The following CIBAR1 variants were observed in gnomAD, a reference collection of about 807,000 sequenced individuals.
CIBAR1 encodes CBY1-interacting BAR domain-containing protein 1.
A neutral mutation model predicts 44.0 loss-of-function variants in CIBAR1; 25 were observed. That is an observed-to-expected ratio of 0.57 (90% CI 0.41 to 0.79). CIBAR1 has a LOEUF of 0.79. CIBAR1 is among the 30% of genes least tolerant of loss of function. CIBAR1 has a pLI of 0.00. For synonymous variants in CIBAR1, 115 were observed against 119.0 expected (o/e 0.97, Z 0.22); for missense variants, 278 against 344.8 (o/e 0.81, Z 1.53).
At chr8:93,707,604 A>AT (rs75478715) in intron 4 of CIBAR1, among the ~76,000 whole-genome samples, 39,109 of 151,952 alleles carry the variant, frequency 0.26, 5,221 homozygotes, top group South Asian at 0.33. Flanking sequence ...ACTGTTAGAG[A>AT]TTTTTTCATA....
At chr8:93,711,041 C>T (rs534626798) in intron 6 of CIBAR1, among the ~76,000 whole-genome samples, 1 of 152,112 alleles carries the variant, frequency 6.6e-6, no homozygotes, top group Non-Finnish European at 1.5e-5. Context: ...CGTAAATTTG[C>T]ATCTACTATG....
chr8:93,722,297 T>C (rs1170819710), intron 7 of CIBAR1, among the ~76,000 whole-genome samples: 2 of 152,234 alleles, frequency 1.3e-5, no homozygotes, highest in Non-Finnish European at 2.9e-5. Context: ...TTCTTCCAGA[T>C]AGTCCATGCT....
intron 6 of CIBAR1, among the ~76,000 whole-genome samples, chr8:93,714,474 C>A (rs1810961835): frequency 6.6e-6 from 1 of 152,144 alleles, no homozygotes. Context: ...GATATCAATA[C>A]CAGAGTCTGT....
intron 6 of CIBAR1, among the ~76,000 whole-genome samples, chr8:93,712,312 A>C (rs760161676): frequency 1.1e-4 from 17 of 152,176 alleles, no homozygotes; most frequent in Non-Finnish European, 2.1e-4. Context: ...AAATATGTTG[A>C]CTTCTGTGAC....
chr8:93,723,140 G>C (rs1042467187), intron 7 of CIBAR1, among the ~76,000 whole-genome samples: 2 of 152,166 alleles, frequency 1.3e-5, no homozygotes, highest in Non-Finnish European at 2.9e-5. Flanking sequence ...GGGACTACAG[G>C]CACCCGCCAC....
intron 4 of CIBAR1, 95 bp downstream of exon 4, chr8:93,705,105 GT>G (rs572786770): frequency 2.3e-4 from 180 of 774,154 alleles, no homozygotes; most frequent in Non-Finnish European, 3.1e-4. Flanking sequence ...TTTTAAACGA[GT>G]AGAGAATTTG....
intron 7 of CIBAR1, among the ~76,000 whole-genome samples, chr8:93,725,404 C>G (rs1811447277): frequency 6.6e-6 from 1 of 151,876 alleles, no homozygotes; most frequent in Non-Finnish European, 1.5e-5. Flanking sequence ...AGTTTAGTAG[C>G]ATTTAAGTTT....
chr8:93,706,277 A>G (rs923572069), intron 4 of CIBAR1: 1 of 152,214 alleles, frequency 6.6e-6, no homozygotes, highest in African/African-American at 2.4e-5. Flanking sequence ...GGACAGAAAT[A>G]TCTAGATAGT....
Position 93,728,252 on chromosome 8 carries a change from G to T in CIBAR1, c.825G>T (p.Glu275Asp). The T allele has an allele frequency of 6.3e-7, 1 of 1,598,306 alleles. No homozygotes were observed. The highest frequency in any genetic ancestry group is 8.5e-7 in the Non-Finnish European group (1 of 1,175,444). The change falls in exon 9 of 9, where the codon GAG becomes GAT. Residue 275 changes from glutamate to aspartate, a missense_variant. Glu to Asp is a conservative substitution (Grantham distance 45). This residue lies in a region of CIBAR1 where 93 missense variants were observed against 108.9 expected (regional missense o/e 0.85). Transcript: ENST00000518322. ...AGGATCAACAAGCAGAAGATGATGA[G>T]GATGACGAGTTAGATGTTACAGAAG... Reference protein sequence around the residue: ...LRKDQQAEDDEDDELDVTEEE... With the variant: ...LRKDQQAEDDDDDELDVTEEE...
At chr8:93,704,120 A>C (rs556413749) in intron 3 of CIBAR1, among the ~76,000 whole-genome samples, 82 of 152,146 alleles carry the variant, frequency 5.4e-4, no homozygotes, top group Non-Finnish European at 8.4e-4. Flanking sequence ...TTTTACTCTG[A>C]AAGATCACTT....
chr8:93,710,231 C>CCGCG (rs1563642872), intron 6 of CIBAR1, among the ~76,000 whole-genome samples: 1 of 151,988 alleles, frequency 6.6e-6, no homozygotes, highest in East Asian at 1.9e-4. Context: ...TGAGCCATGA[C>CCGCG]CGTGCCACTG....
chr8:93,706,437 TTTAAGAA>T (rs1468489775), intron 4 of CIBAR1, among the ~76,000 whole-genome samples: 1 of 152,118 alleles, frequency 6.6e-6, no homozygotes, highest in Non-Finnish European at 1.5e-5. Context: ...TTCACCAGTG[TTTAAGAA>T]TTAAGCTAGG....
chr8:93,701,059 T>G (rs1810327776), intron 1 of CIBAR1, 165 bp from the exon 2 acceptor site: 1 of 1,466,540 alleles, frequency 6.8e-7, no homozygotes, highest in Non-Finnish European at 9.0e-7. Flanking sequence ...GATAGTGAGG[T>G]CAGGACCCCA....
Position 93,728,195 on chromosome 8 carries a change from CTTT to C in CIBAR1, c.778-8_778-6del. ...ATTTTTATTTTAAAAAGTGTGTTAACTTTTAACAGGTATCCACTTGTCGACTAA... is the reference window on the plus strand; with the variant it reads ...ATTTTTATTTTAAAAAGTGTGTTAACTAACAGGTATCCACTTGTCGACTAA... On this transcript the variant is annotated splice_polypyrimidine_tract_variant and splice_region_variant and intron_variant, in intron 8 of 8. Coordinates refer to ENST00000518322, the MANE Select transcript of CIBAR1 (RefSeq NM_145269.5). 1 of 1,518,922 alleles carries C rather than the reference CTTT, an allele frequency of 6.6e-7. No homozygotes were observed. Among genetic ancestry groups the C allele is most frequent in the South Asian group, 1.4e-5 (1 of 73,606 alleles). 94.1% of individuals were successfully genotyped at this position (1,518,922 alleles called of 1,614,324 possible). A position where few individuals can be genotyped will look rare whatever the true frequency, so the allele number is the denominator to read the frequency against.
rs931284942 is a variant in CIBAR1, at chr8:93,724,706, A to C, written c.658-1688A>C. On this transcript the variant is annotated intron_variant, in intron 7 of 8. Transcript: ENST00000518322. ...AGCTACACGGTTCAGTAAAGTAGCC[A>C]TTAGGCATATATAACTATTTAAAGT... is the stretch of plus-strand genomic sequence containing the variant. 24 of 1,108,478 alleles carry C rather than the reference A, an allele frequency of 2.2e-5. No homozygotes were observed. The African/African-American group carries it at 3.3e-4, about 15-fold the overall frequency. The allele number at this position is 1,108,478 out of a possible 1,614,324, so 68.7% of individuals were successfully genotyped here.
At chr8:93,712,519 T>C (rs901056003) in intron 6 of CIBAR1, among the ~76,000 whole-genome samples, 2 of 152,278 alleles carry the variant, frequency 1.3e-5, no homozygotes, top group African/African-American at 4.8e-5. Flanking sequence ...TACAAGTCTT[T>C]ATGTAGACAT....
Position 93,726,579 on chromosome 8 carries a change from A to G in CIBAR1, c.777+66A>G, listed in dbSNP as rs1221424234. On this transcript the variant is annotated intron_variant, in intron 8 of 8. Transcript: ENST00000518322. Reference sequence around the variant, plus strand: ...CCTTTGGAATTGTTGAGTTCTAAAAATGTTTCCCCTCAGTCATATCACCTC... The same window carrying G: ...CCTTTGGAATTGTTGAGTTCTAAAAGTGTTTCCCCTCAGTCATATCACCTC... 3.8e-6 allele frequency: 6 copies of G among 1,577,270 alleles called. No homozygotes were observed. In the South Asian group the frequency reaches 6.9e-5, roughly 18 times the overall value.
intron 5 of CIBAR1, among the ~76,000 whole-genome samples, chr8:93,709,306 A>G (rs779491379): frequency 1.3e-5 from 2 of 152,196 alleles, no homozygotes; most frequent in Non-Finnish European, 2.9e-5. Context: ...AAAAAGAGAT[A>G]ATCTGTAATT....
chr8:93,704,039 A>T (rs6471394), intron 3 of CIBAR1, among the ~76,000 whole-genome samples: 1 of 151,130 alleles, frequency 6.6e-6, no homozygotes, highest in Non-Finnish European at 1.5e-5. Flanking sequence ...ACTCCAGCAC[A>T]GGCGACAGTG....
Sources: allele counts gnomAD v4.1 joint callset (sites outside exome capture counted in the v4.1 genomes callset), GRCh38; gene constraint gnomAD v4.1.1; regional missense constraint gnomAD v4.1.1; transcripts MANE v1.5; gene names NCBI Gene and HGNC (gene_info 2026-07-23, HGNC 2026-07-21).